ARHGAP10: variants seen among roughly 807,000 people sequenced by gnomAD.
ARHGAP10 encodes Rho GTPase activating protein 10, also known as rho GTPase-activating protein 10.
In ARHGAP10, 87 loss-of-function variants were observed where a neutral mutation model predicts 108.6. The ratio of observed to expected loss-of-function variants is 0.80; its 90% confidence interval spans 0.67 to 0.96. The LOEUF (loss-of-function observed/expected upper bound fraction) is 0.96, where lower values mean the gene tolerates loss of function less well. ARHGAP10 is among the 40% of genes least tolerant of loss of function. ARHGAP10 has a pLI of 0.00. For missense variants in ARHGAP10, 939 were observed against 954.5 expected, an observed-to-expected ratio of 0.98 and a Z score of 0.21; for synonymous variants, 347 against 341.1, an observed-to-expected ratio of 1.02 and a Z score of -0.19.
intron 16 of ARHGAP10, among the ~76,000 whole-genome samples, chr4:147,962,109 G>A (rs954540938): frequency 2.0e-5 from 3 of 152,150 alleles, no homozygotes; most frequent in Admixed American, 6.5e-5. Context: ...CCATTTGAAT[G>A]TCACTTCCTC....
At chr4:147,781,789 A>G (rs1003303175) in intron 1 of ARHGAP10, among the ~76,000 whole-genome samples, 1 of 150,230 alleles carries the variant, frequency 6.7e-6, no homozygotes, top group Admixed American at 6.7e-5. Flanking sequence ...ACTAATCTAG[A>G]TTTCTTTCCA....
intron 1 of ARHGAP10, among the ~76,000 whole-genome samples, chr4:147,822,378 C>T (rs986087058): frequency 1.3e-5 from 2 of 152,214 alleles, no homozygotes; most frequent in Admixed American, 1.3e-4. Context: ...TTCCTAATCA[C>T]AGCCTGAACT....
At chr4:147,871,806 T>C (rs955338634) in intron 7 of ARHGAP10, among the ~76,000 whole-genome samples, 2 of 152,176 alleles carry the variant, frequency 1.3e-5, no homozygotes, top group Non-Finnish European at 2.9e-5. Flanking sequence ...AAATGGTACA[T>C]TTAAAAAATA....
At chr4:147,814,992 T>G (rs1028659960) in intron 1 of ARHGAP10, among the ~76,000 whole-genome samples, 8 of 152,200 alleles carry the variant, frequency 5.3e-5, no homozygotes, top group African/African-American at 1.4e-4. Context: ...CCAGGCTTTC[T>G]TGGCGTCGAA....
chr4:147,903,970 G>C (rs1028747700), intron 10 of ARHGAP10, among the ~76,000 whole-genome samples: 47 of 152,126 alleles, frequency 3.1e-4, no homozygotes, highest in Non-Finnish European at 1.2e-4. Flanking sequence ...AGTTCCTTTA[G>C]GTAACTGCCA....
chr4:147,950,699 G>A (rs1285759473), intron 15 of ARHGAP10, among the ~76,000 whole-genome samples: 1 of 152,068 alleles, frequency 6.6e-6, no homozygotes, highest in Non-Finnish European at 1.5e-5. Context: ...CTACTGACGA[G>A]GCAATTTTTT....
At chr4:147,993,576 A>C (rs374201810) in intron 18 of ARHGAP10, among the ~76,000 whole-genome samples, 3 of 152,364 alleles carry the variant, frequency 2.0e-5, no homozygotes, top group Non-Finnish European at 1.5e-5. Context: ...TCAGCTGTGC[A>C]ACTGTGACAC....
intron 13 of ARHGAP10, among the ~76,000 whole-genome samples, chr4:147,936,996 G>A (rs1380679364): frequency 6.6e-6 from 1 of 152,170 alleles, no homozygotes; most frequent in East Asian, 1.9e-4. Context: ...GCACATGTGA[G>A]TGATCTAGGT....
intron 1 of ARHGAP10, among the ~76,000 whole-genome samples, chr4:147,802,789 T>A (rs144201008): frequency 4.6e-5 from 7 of 152,334 alleles, no homozygotes; most frequent in African/African-American, 1.7e-4. Context: ...TTCTCAAAGT[T>A]GTTTCTCATC....
chr4:147,870,226 AT>A (rs1201075799), intron 7 of ARHGAP10, among the ~76,000 whole-genome samples: 1 of 151,788 alleles, frequency 6.6e-6, no homozygotes, highest in Non-Finnish European at 1.5e-5. Context: ...TGCCCGGCTA[AT>A]TTTTTTGTAT....
intron 20 of ARHGAP10, among the ~76,000 whole-genome samples, chr4:148,050,107 T>C (rs1413704713): frequency 6.6e-6 from 1 of 152,184 alleles, no homozygotes; most frequent in Admixed American, 6.5e-5. Context: ...CCTCAAGTGA[T>C]CCGCCTGCCT....
At chr4:147,846,707 G>A (rs1733647896) in intron 3 of ARHGAP10, among the ~76,000 whole-genome samples, 1 of 152,144 alleles carries the variant, frequency 6.6e-6, no homozygotes, top group African/African-American at 2.4e-5. Flanking sequence ...AGGGCAGACT[G>A]GTTGTATTTG....
At chr4:148,040,436 G>C (rs747609741) in intron 19 of ARHGAP10, among the ~76,000 whole-genome samples, 133 of 152,250 alleles carry the variant, frequency 8.7e-4, no homozygotes, top group Admixed American at 3.4e-3. Flanking sequence ...CCACCTCCTG[G>C]GTTCAAGCGA....
chr4:147,826,191 A>G (rs1477271061), intron 3 of ARHGAP10, among the ~76,000 whole-genome samples: 2 of 152,204 alleles, frequency 1.3e-5, no homozygotes, highest in Non-Finnish European at 2.9e-5. Context: ...TAGGCTCAGT[A>G]TTCTGTTTCT....
At chr4:148,062,007 G>A (rs1010878317) in intron 20 of ARHGAP10, among the ~76,000 whole-genome samples, 1 of 152,178 alleles carries the variant, frequency 6.6e-6, no homozygotes, top group Non-Finnish European at 1.5e-5. Flanking sequence ...TTAGAGCAGG[G>A]CGGGGAGCTT....
chr4:147,765,270 C>A lies in ARHGAP10; in HGVS notation c.154+32815C>A, dbSNP rs1416896527. 4.8e-5 allele frequency among the ~76,000 whole-genome samples: 7 copies of A among 145,998 alleles called. No homozygotes were observed. The Admixed American group carries it at 5.0e-4, about 10-fold the overall frequency. ...ATTCACAGCCAGGTGTTTCCAATATCATACCTGGAAATATAAAGTACACAT... is the reference window on the plus strand; with the variant it reads ...ATTCACAGCCAGGTGTTTCCAATATAATACCTGGAAATATAAAGTACACAT... On this transcript the variant is annotated intron_variant, in intron 1 of 22. Coordinates refer to ENST00000336498, the MANE Select transcript of ARHGAP10 (RefSeq NM_024605.4).
At chr4:147,738,200 CAG>C (rs966757462) in intron 1 of ARHGAP10, among the ~76,000 whole-genome samples, 8 of 152,148 alleles carry the variant, frequency 5.3e-5, no homozygotes, top group Non-Finnish European at 1.0e-4. Context: ...CACCTGCTAA[CAG>C]GGGATCCTTG....
At chr4:147,907,869 A>C (rs1057191610) in intron 11 of ARHGAP10, among the ~76,000 whole-genome samples, 5 of 152,076 alleles carry the variant, frequency 3.3e-5, no homozygotes, top group East Asian at 3.8e-4. Context: ...GATCGATGGA[A>C]TCTCACTCTG....
rs535581138 is a variant in ARHGAP10, at chr4:147,906,116, T to C, written c.1035-522T>C. Among the ~76,000 whole-genome samples the C allele has an allele frequency of 6.6e-5, 10 of 152,340 alleles. No homozygotes were observed. The South Asian group carries it at 1.7e-3, about 25-fold the overall frequency. ...GACTTTGCTGAAGGTGCATCTTTTC[T>C]TAACGCTCCTCTGCCATTTGTATAT... is the stretch of plus-strand genomic sequence containing the variant. On this transcript the variant is annotated intron_variant, in intron 10 of 22. Transcript: ENST00000336498.
Sources: allele counts gnomAD v4.1 joint callset (sites outside exome capture counted in the v4.1 genomes callset), GRCh38; gene constraint gnomAD v4.1.1; transcripts MANE v1.5; gene names NCBI Gene and HGNC (gene_info 2026-07-23, HGNC 2026-07-21).